Variants in ROBO1 observed in about 807,000 individuals in gnomAD.
ROBO1 encodes roundabout homolog 1.
Under a neutral mutation model 195.9 loss-of-function variants are expected in ROBO1, and 149 were observed. That is an observed-to-expected ratio of 0.76 (90% CI 0.67 to 0.87). The LOEUF is 0.87. ROBO1 is among the 40% of genes least tolerant of loss of function. The pLI, the probability that ROBO1 is intolerant of heterozygous loss-of-function variation, is 0.00. For synonymous variants in ROBO1, 816 were observed against 733.2 expected (o/e 1.11, Z -1.82); for missense variants, 1,933 against 2,068.3 (o/e 0.93, Z 1.27).
At chr3:79,126,858 G>A (rs1012490158) in intron 2 of ROBO1, among the ~76,000 whole-genome samples, 3 of 152,034 alleles carry the variant, frequency 2.0e-5, no homozygotes, top group African/African-American at 4.8e-5. Context: ...ATTCAGGGAT[G>A]ATTTGGAAAT....
chr3:78,745,864 C>A (rs965886361), intron 5 of ROBO1, among the ~76,000 whole-genome samples: 5 of 152,182 alleles, frequency 3.3e-5, no homozygotes, highest in Admixed American at 3.3e-4. Context: ...AGAAACAGTG[C>A]AACTACTAAT....
intron 2 of ROBO1, among the ~76,000 whole-genome samples, chr3:79,445,427 G>A (rs992368678): frequency 1.7e-4 from 25 of 145,730 alleles, no homozygotes; most frequent in African/African-American, 6.4e-4. Flanking sequence ...ACGTAGTAAT[G>A]TTCACAGATT....
chr3:78,983,295 T>C (rs974424677), intron 3 of ROBO1, among the ~76,000 whole-genome samples: 1 of 152,182 alleles, frequency 6.6e-6, no homozygotes, highest in Non-Finnish European at 1.5e-5. Context: ...GTTTACACAC[T>C]CCCTTCTTTT....
intron 2 of ROBO1, among the ~76,000 whole-genome samples, chr3:79,530,314 A>C (rs1463474023): frequency 6.6e-6 from 1 of 152,042 alleles, no homozygotes; most frequent in Non-Finnish European, 1.5e-5. Flanking sequence ...ACCGACAATG[A>C]CCCTCAAATA....
At chr3:79,436,264 T>G (rs1216392797) in intron 2 of ROBO1, among the ~76,000 whole-genome samples, 4 of 152,032 alleles carry the variant, frequency 2.6e-5, no homozygotes, top group African/African-American at 9.7e-5. Flanking sequence ...GACTAAAGTA[T>G]TTTTCCATTG....
chr3:78,746,779 A>T lies in ROBO1; in HGVS notation c.621T>A (p.Asp207Glu). ...HPEPTISWKKDGSPLDDKDER... is the reference protein window; with the variant it reads ...HPEPTISWKKEGSPLDDKDER... ...CATCTTTATCATCCAGTGGAGAGCC[A>T]TCTTTCTTCCATGAAATGGTGGGCT... is the stretch of plus-strand genomic sequence containing the variant. The change falls in exon 5 of 31, where the codon GAT becomes GAA. Residue 207 changes from aspartate to glutamate, a missense_variant. Physicochemically the swap from Asp to Glu is conservative, Grantham distance 45. Around this residue, in one of 3 missense-constraint regions of ROBO1, gnomAD observed 1,737 missense variants for 1,882.5 expected, o/e 0.92. Transcript: ENST00000464233. 1.3e-6 allele frequency: 2 copies of T among 1,576,042 alleles called. No individual in the cohort carries two copies. The highest frequency in any genetic ancestry group is 1.7e-6 in the Non-Finnish European group (2 of 1,155,060).
rs552409423 is a variant in ROBO1, at chr3:79,214,184, T to C, written c.89-88645A>G. On this transcript the variant is annotated intron_variant, in intron 2 of 30. Transcript: ENST00000464233. The stretch of plus-strand genomic sequence containing the variant: ...CCATGGCAAATTGTTGTTGTTATGG[T>C]AGAAAATTCTTGATTCAGATTTTTT... Among the ~76,000 whole-genome samples the C allele has an allele frequency of 3.9e-5, 6 of 152,016 alleles. No homozygotes were observed. The South Asian group carries it at 1.2e-3, about 32-fold the overall frequency.
intron 3 of ROBO1, among the ~76,000 whole-genome samples, chr3:79,087,660 A>T (rs1460135962): frequency 1.3e-5 from 2 of 151,412 alleles, no homozygotes; most frequent in Non-Finnish European, 2.9e-5. Context: ...TTCTCTAATT[A>T]TCAAGTAGAA....
At chr3:79,096,882 G>C (rs1305399676) in intron 3 of ROBO1, among the ~76,000 whole-genome samples, 2 of 151,596 alleles carry the variant, frequency 1.3e-5, no homozygotes, top group African/African-American at 4.8e-5. Flanking sequence ...GATTGAGTTT[G>C]ACATTGTAAA....
chr3:79,308,816 G>C (rs2033345277), intron 2 of ROBO1, among the ~76,000 whole-genome samples: 1 of 152,098 alleles, frequency 6.6e-6, no homozygotes, highest in African/African-American at 2.4e-5. Flanking sequence ...AAATTCCATA[G>C]CTATTTCATG....
intron 3 of ROBO1, among the ~76,000 whole-genome samples, chr3:79,086,018 G>A (rs539405851): frequency 3.8e-4 from 58 of 151,952 alleles, no homozygotes; most frequent in African/African-American, 1.4e-3. Flanking sequence ...GCCTATTAAC[G>A]GCCAGCTAAT....
intron 3 of ROBO1, chr3:79,019,478 C>A: frequency 1.0e-6 from 1 of 986,350 alleles, no homozygotes; most frequent in Non-Finnish European, 1.2e-6. Flanking sequence ...GTTTCCCCCA[C>A]AGTCCCCGCG....
At chr3:79,583,203 T>G (rs1430609751) in intron 2 of ROBO1, among the ~76,000 whole-genome samples, 4 of 152,158 alleles carry the variant, frequency 2.6e-5, no homozygotes, top group African/African-American at 7.2e-5. Context: ...TGATTAAGTT[T>G]TTAGTTACAA....
Position 78,685,795 on chromosome 3 carries a change from T to C in ROBO1, c.1293A>G (p.Leu431=). The change falls in exon 10 of 31, where the codon TTA becomes TTG. Residue 431 remains leucine (L), a synonymous_variant. Transcript: ENST00000464233. ...TTGTGATGATGCTTCCAGCAACATT[T>C]AAAGTCTGGCAGATGTAATAACCAA... The part of the protein sequence containing the change: ...SDVGYYICQT[L]NVAGSIITKA... The C allele has an allele frequency of 1.2e-6, 2 of 1,612,384 alleles. No homozygotes were observed. Among genetic ancestry groups the C allele is most frequent in the Non-Finnish European group, 1.7e-6 (2 of 1,178,770 alleles).
At chr3:78,736,276 G>A (rs1339294394) in intron 5 of ROBO1, among the ~76,000 whole-genome samples, 1 of 151,870 alleles carries the variant, frequency 6.6e-6, no homozygotes, top group African/African-American at 2.4e-5. Flanking sequence ...ACACTTTTTC[G>A]AACACATGAG....
At chr3:79,062,233 A>G (rs563117985) in intron 3 of ROBO1, among the ~76,000 whole-genome samples, 1 of 152,186 alleles carries the variant, frequency 6.6e-6, no homozygotes, top group Admixed American at 6.5e-5. Flanking sequence ...TGCAGCCCAC[A>G]GACATATGAA....
At chr3:78,945,441 G>T (rs1200611926) in intron 3 of ROBO1, among the ~76,000 whole-genome samples, 1 of 152,130 alleles carries the variant, frequency 6.6e-6, no homozygotes, top group East Asian at 1.9e-4. Flanking sequence ...AACTCTAACA[G>T]ACCTGCAGCT....
At chr3:79,553,855 C>T (rs1181538948) in intron 2 of ROBO1, among the ~76,000 whole-genome samples, 2 of 152,032 alleles carry the variant, frequency 1.3e-5, no homozygotes, top group African/African-American at 4.8e-5. Flanking sequence ...AGGAGAATGG[C>T]TGTTGATTTC....
chr3:79,634,361 G>A (rs1209195781), intron 1 of ROBO1, among the ~76,000 whole-genome samples: 4 of 152,110 alleles, frequency 2.6e-5, no homozygotes, highest in Non-Finnish European at 5.9e-5. Flanking sequence ...TGATGAGGGG[G>A]AGATGAGACA....
Sources: allele counts gnomAD v4.1 joint callset (sites outside exome capture counted in the v4.1 genomes callset), GRCh38; gene constraint gnomAD v4.1.1; regional missense constraint gnomAD v4.1.1; transcripts MANE v1.5; gene names NCBI Gene and HGNC (gene_info 2026-07-23, HGNC 2026-07-21).